Variants in RALGAPA2 observed in about 807,000 individuals in gnomAD.
RALGAPA2 encodes the protein ral GTPase-activating protein subunit alpha-2.
A neutral mutation model predicts 230.4 loss-of-function variants in RALGAPA2; 139 were observed. That is an observed-to-expected ratio of 0.60 (90% CI 0.53 to 0.69). The LOEUF is 0.69. RALGAPA2 is among the 30% of genes least tolerant of loss of function. RALGAPA2 has a pLI of 0.00. For synonymous variants in RALGAPA2, 847 were observed against 837.8 expected, an observed-to-expected ratio of 1.01 and a Z score of -0.19; for missense variants, 2,163 against 2,276.0, an observed-to-expected ratio of 0.95 and a Z score of 1.01.
At chr20:20,453,653 C>G (rs2061040660) in intron 37 of RALGAPA2, among the ~76,000 whole-genome samples, 1 of 152,208 alleles carries the variant, frequency 6.6e-6, no homozygotes. Context: ...CCTTGAGGCT[C>G]TGGGCTGCAC....
chr20:20,440,356 C>G (rs2060710405), intron 37 of RALGAPA2, among the ~76,000 whole-genome samples: 1 of 152,196 alleles, frequency 6.6e-6, no homozygotes, highest in Non-Finnish European at 1.5e-5. Flanking sequence ...CTCTAAGAAA[C>G]AGTGGTCACT....
chr20:20,606,201 C>A (rs1370099793), intron 14 of RALGAPA2, among the ~76,000 whole-genome samples: 3 of 152,146 alleles, frequency 2.0e-5, no homozygotes, highest in Non-Finnish European at 4.4e-5. Context: ...GTTCCACACC[C>A]GCTCCATCTC....
chr20:20,661,311 A>T (rs1453105005), intron 3 of RALGAPA2, among the ~76,000 whole-genome samples: 1 of 152,070 alleles, frequency 6.6e-6, no homozygotes. Flanking sequence ...GGCGTGTGCC[A>T]CCACATCCAG....
chr20:20,422,527 T>C (rs1226719775), intron 37 of RALGAPA2, among the ~76,000 whole-genome samples: 1 of 151,980 alleles, frequency 6.6e-6, no homozygotes, highest in Non-Finnish European at 1.5e-5. Context: ...GTTCTGATCA[T>C]GGCATTGCAC....
chr20:20,500,826 G>A (rs1602560349), intron 35 of RALGAPA2, among the ~76,000 whole-genome samples: 2 of 152,330 alleles, frequency 1.3e-5, no homozygotes, highest in Admixed American at 1.3e-4. Context: ...AGACTTGAAA[G>A]TTGAAATTAC....
intron 35 of RALGAPA2, among the ~76,000 whole-genome samples, chr20:20,501,663 A>C (rs527703577): frequency 6.6e-6 from 1 of 152,284 alleles, no homozygotes; most frequent in East Asian, 1.9e-4. Flanking sequence ...TTTCCTTCAA[A>C]AACTTTTCCT....
chr20:20,561,928 C>T (rs1429721092), intron 23 of RALGAPA2, among the ~76,000 whole-genome samples: 1 of 152,186 alleles, frequency 6.6e-6, no homozygotes, highest in African/African-American at 2.4e-5. Context: ...TGACAGTGCA[C>T]TTTATGACAA....
chr20:20,439,868 A>G (rs558366065), intron 37 of RALGAPA2, among the ~76,000 whole-genome samples: 5 of 152,222 alleles, frequency 3.3e-5, no homozygotes, highest in South Asian at 2.1e-4. Flanking sequence ...AATGGGATGA[A>G]GCATTTCATG....
In RALGAPA2 at chr20:20,680,775, G is replaced by A; in HGVS notation, c.133C>T (p.Gln45Ter). ...LDNVDANDLKQFFETNYSQIY... is the reference protein window; with the variant it reads ...LDNVDANDLK ...TGAGAATAGTTGGTCTCAAAAAACT[G>A]CTTAAGATCATTTGCATCCACATTA... is the stretch of plus-strand genomic sequence containing the variant. The change falls in exon 2 of 40, where the codon CAG becomes TAG. Residue 45 changes from glutamine (Q) to a stop codon, truncating the protein, a stop_gained. Coordinates refer to ENST00000202677, the MANE Select transcript of RALGAPA2 (RefSeq NM_020343.4). LOFTEE classifies it high-confidence loss of function. 6.3e-7 allele frequency: 1 copy of A among 1,585,232 alleles called. No homozygotes were observed. Among genetic ancestry groups the A allele is most frequent in the South Asian group, 1.2e-5 (1 of 84,014 alleles).
At chr20:20,461,457 A>C (rs1431526686) in intron 37 of RALGAPA2, among the ~76,000 whole-genome samples, 6 of 152,244 alleles carry the variant, frequency 3.9e-5, no homozygotes, top group Non-Finnish European at 8.8e-5. Flanking sequence ...CTCAGCAGGC[A>C]AATGTAATGT....
intron 37 of RALGAPA2, among the ~76,000 whole-genome samples, chr20:20,459,443 G>A (rs2061249634): frequency 6.8e-6 from 1 of 146,146 alleles, no homozygotes; most frequent in African/African-American, 2.5e-5. Context: ...TTTTTTTTAG[G>A]TCTTTGGGTG....
intron 14 of RALGAPA2, among the ~76,000 whole-genome samples, chr20:20,608,556 C>T (rs1370949028): frequency 1.3e-5 from 2 of 152,066 alleles, no homozygotes; most frequent in African/African-American, 4.8e-5. Flanking sequence ...TAAAAATGTC[C>T]CGTCCCTTTT....
chr20:20,646,793 A>G (rs2067229550), intron 4 of RALGAPA2, among the ~76,000 whole-genome samples: 2 of 152,334 alleles, frequency 1.3e-5, no homozygotes, highest in East Asian at 3.9e-4. Flanking sequence ...AAGAATCCAT[A>G]ATGAACAATA....
intron 36 of RALGAPA2, among the ~76,000 whole-genome samples, chr20:20,476,719 A>AAATG (rs1204357552): frequency 2.7e-5 from 4 of 149,210 alleles, no homozygotes; most frequent in Admixed American, 6.7e-5. Context: ...ATAAATAAAT[A>AAATG]AAAGAAAATA....
chr20:20,524,789 T>G (rs189323465), intron 29 of RALGAPA2, 41 bp downstream of exon 29: 60 of 1,475,646 alleles, frequency 4.1e-5, no homozygotes, highest in Non-Finnish European at 4.6e-5. Flanking sequence ...TACATTAAAA[T>G]AAAAAAACTA....
At chr20:20,676,194 C>T (rs763620201) in intron 3 of RALGAPA2, 42 bp downstream of exon 3, 6 of 1,306,666 alleles carry the variant, frequency 4.6e-6, no homozygotes, top group East Asian at 2.4e-5. Flanking sequence ...ACTTTATTTC[C>T]AACAAGAATT....
At chr20:20,604,120 C>A (rs749594296) in intron 15 of RALGAPA2, among the ~76,000 whole-genome samples, 2 of 152,214 alleles carry the variant, frequency 1.3e-5, no homozygotes, top group Non-Finnish European at 2.9e-5. Context: ...TGTATTTTGG[C>A]ATTTTAATCA....
chr20:20,675,212 G>A (rs1478815016), intron 3 of RALGAPA2, among the ~76,000 whole-genome samples: 3 of 152,126 alleles, frequency 2.0e-5, no homozygotes, highest in East Asian at 1.9e-4. Flanking sequence ...TATCAATAGC[G>A]AATCAACATC....
At chr20:20,524,630 G>A (rs1259545150) in intron 29 of RALGAPA2, 87 bp from the exon 30 acceptor site, 34 of 1,522,362 alleles carry the variant, frequency 2.2e-5, no homozygotes, top group Non-Finnish European at 2.8e-5. Context: ...CCTACACCCA[G>A]TATTCAGTGG....
Sources: allele counts gnomAD v4.1 joint callset (sites outside exome capture counted in the v4.1 genomes callset), GRCh38; gene constraint gnomAD v4.1.1; transcripts MANE v1.5; gene names NCBI Gene and HGNC (gene_info 2026-07-23, HGNC 2026-07-21).